Variants in LRRC37A2 observed in about 807,000 individuals in gnomAD.
The protein encoded by LRRC37A2 is leucine rich repeat containing 37 member A2.
In LRRC37A2, 9 loss-of-function variants were observed where a neutral mutation model predicts 68.8. That is an observed-to-expected ratio of 0.13 (90% CI 0.08 to 0.23). The LOEUF (loss-of-function observed/expected upper bound fraction) is 0.23, where lower values mean the gene tolerates loss of function less well. LRRC37A2 is among the 10% of genes least tolerant of loss of function. LRRC37A2 has a pLI of 1.00. For synonymous variants in LRRC37A2, 63 were observed against 367.6 expected, an observed-to-expected ratio of 0.17 and a Z score of 9.48; for missense variants, 168 against 950.4, an observed-to-expected ratio of 0.18 and a Z score of 10.82.
the LRRC37A2 span, among the ~76,000 whole-genome samples, chr17:46,953,671 A>G: frequency 4.6e-5 from 7 of 152,200 alleles, no homozygotes; most frequent in Admixed American, 4.6e-4. Context: ...CCAACAGTGT[A>G]AAAGTGTTCC....
At chr17:46,568,945 T>C in the LRRC37A2 span, among the ~76,000 whole-genome samples, 32 of 116,088 alleles carry the variant, frequency 2.8e-4, no homozygotes, top group South Asian at 1.1e-3. Flanking sequence ...TTTTTCTCTT[T>C]TTTTTTTTTT....
chr17:46,792,217 G>A, the LRRC37A2 span, among the ~76,000 whole-genome samples: 11 of 152,218 alleles, frequency 7.2e-5, no homozygotes, highest in Non-Finnish European at 1.5e-4. Context: ...CTAAGAGAAG[G>A]CTCAAATCAC....
At chr17:46,823,287 T>C in the LRRC37A2 span, among the ~76,000 whole-genome samples, 1 of 148,414 alleles carries the variant, frequency 6.7e-6, no homozygotes, top group Non-Finnish European at 1.5e-5. Context: ...CGGTCTCGAC[T>C]CACTGCAACC....
At chr17:46,952,312 C>T in the LRRC37A2 span, among the ~76,000 whole-genome samples, 1 of 152,196 alleles carries the variant, frequency 6.6e-6, no homozygotes, top group South Asian at 2.1e-4. Flanking sequence ...GTCAGCAGCC[C>T]AAAGCAGTCG....
At chr17:46,966,090 T>C in the LRRC37A2 span, among the ~76,000 whole-genome samples, 2 of 152,194 alleles carry the variant, frequency 1.3e-5, no homozygotes, top group Admixed American at 6.5e-5. Flanking sequence ...GATGGATCAT[T>C]TCTCTCCTCC....
the LRRC37A2 span, among the ~76,000 whole-genome samples, chr17:46,858,520 G>T: frequency 0.019 from 2,871 of 150,486 alleles, 84 homozygotes; most frequent in African/African-American, 0.067. Flanking sequence ...GATATCTTTC[G>T]GTCCTCCAGG....
At chr17:46,963,075 ACT>A in the LRRC37A2 span, among the ~76,000 whole-genome samples, 1 of 152,230 alleles carries the variant, frequency 6.6e-6, no homozygotes, top group Non-Finnish European at 1.5e-5. Context: ...GGGACTTCAC[ACT>A]CTCAACCACT....
chr17:46,779,538 C>T, the LRRC37A2 span, among the ~76,000 whole-genome samples: 1,120 of 152,320 alleles, frequency 7.4e-3, 12 homozygotes, highest in African/African-American at 0.025. Flanking sequence ...GGCAGCCAGG[C>T]GGATGGGCTG....
At chr17:46,854,442 T>C in the LRRC37A2 span, among the ~76,000 whole-genome samples, 1 of 152,172 alleles carries the variant, frequency 6.6e-6, no homozygotes, top group African/African-American at 2.4e-5. Flanking sequence ...AATCATAGAA[T>C]CGTAGACTTC....
chr17:46,711,795 A>G, the LRRC37A2 span, among the ~76,000 whole-genome samples: 1 of 152,202 alleles, frequency 6.6e-6, no homozygotes, highest in Non-Finnish European at 1.5e-5. Flanking sequence ...TGGGAGAAAC[A>G]TATTAAGCCA....
chr17:46,769,247 C>T, the LRRC37A2 span, among the ~76,000 whole-genome samples: 1 of 145,698 alleles, frequency 6.9e-6, no homozygotes, highest in Non-Finnish European at 1.5e-5. Flanking sequence ...ACTCGGGAGG[C>T]GGAGGTTGCA....
the LRRC37A2 span, chr17:46,932,843 T>A: frequency 6.5e-6 from 1 of 153,496 alleles, no homozygotes; most frequent in Non-Finnish European, 1.5e-5. Context: ...CTGCATAATA[T>A]ATTCCACTAA....
the LRRC37A2 span, among the ~76,000 whole-genome samples, chr17:46,826,818 T>C: frequency 6.8e-6 from 1 of 147,698 alleles, no homozygotes; most frequent in African/African-American, 2.5e-5. Flanking sequence ...AGTCTCGCTC[T>C]ATCACCCAGG....
At chr17:46,950,263 CA>C in the LRRC37A2 span, among the ~76,000 whole-genome samples, 2 of 152,346 alleles carry the variant, frequency 1.3e-5, no homozygotes, top group Admixed American at 1.3e-4. Context: ...TTCTTCCCTC[CA>C]TACTGGTCCC....
At chr17:46,980,666 C>CAAAAAAAAAAAAAAAAAAAG in the LRRC37A2 span, among the ~76,000 whole-genome samples, 1 of 83,886 alleles carries the variant, frequency 1.2e-5, no homozygotes, top group Non-Finnish European at 2.6e-5. Context: ...ACTAAAAATA[C>CAAAAAAAAAAAAAAAAAAAG]AAAAAAAAAA....
At chr17:46,454,145 GTTGTT>G in the LRRC37A2 span, among the ~76,000 whole-genome samples, 8 of 102,966 alleles carry the variant, frequency 7.8e-5, no homozygotes, top group Admixed American at 7.8e-4. Context: ...TTGTGTTTAT[GTTGTT>G]TTGTTAAATT....
the LRRC37A2 span, among the ~76,000 whole-genome samples, chr17:46,678,569 A>G: frequency 6.9e-6 from 1 of 145,044 alleles, no homozygotes; most frequent in African/African-American, 2.6e-5. Flanking sequence ...GAGAAAGAGG[A>G]TGAATCAAAA....
chr17:46,534,855 G>A (rs1239623398), intron 6 of LRRC37A2, among the ~76,000 whole-genome samples: 1 of 149,534 alleles, frequency 6.7e-6, no homozygotes, highest in Non-Finnish European at 1.5e-5. Flanking sequence ...AGACAGGGCG[G>A]CTGCCGGGCA....
chr17:46,936,753 A>G, the LRRC37A2 span: 1 of 983,246 alleles, frequency 1.0e-6, no homozygotes, highest in Non-Finnish European at 1.2e-6. Flanking sequence ...CTTTAGCAAG[A>G]GTCTGATTGT....
Sources: gnomAD v4.1 joint callset for allele counts (sites outside exome capture counted in the v4.1 genomes callset) on GRCh38, gnomAD v4.1.1 for gene constraint, MANE v1.5 for transcripts, NCBI Gene and HGNC (gene_info 2026-07-23, HGNC 2026-07-21) for gene names.